The following TBC1D31 variants were observed in gnomAD, a reference collection of about 807,000 sequenced individuals.
TBC1D31 encodes the protein WD repeat domain 67.
In TBC1D31, 99 loss-of-function variants were observed where a neutral mutation model predicts 132.9. The ratio of observed to expected loss-of-function variants is 0.74; its 90% CI spans 0.63 to 0.88. The LOEUF is 0.88. Among genes scored for constraint, TBC1D31 ranks in the 40% least tolerant of loss-of-function variants. TBC1D31 has a pLI of 0.00. For missense variants in TBC1D31, 1,134 were observed against 1,256.6 expected, an observed-to-expected ratio of 0.90 and a Z score of 1.48; for synonymous variants, 385 against 419.4, an observed-to-expected ratio of 0.92 and a Z score of 1.00.
At chr8:123,097,467 G>A (rs1816939302) in intron 6 of TBC1D31, 26 bp downstream of exon 6, 2 of 1,603,786 alleles carry the variant, frequency 1.2e-6, no homozygotes, top group South Asian at 1.1e-5. Context: ...GTAGGGCACT[G>A]TACTTTTTGA....
intron 5 of TBC1D31, among the ~76,000 whole-genome samples, chr8:123,095,879 T>C (rs1563689175): frequency 1.3e-5 from 2 of 152,180 alleles, no homozygotes; most frequent in Admixed American, 1.3e-4. Context: ...TTGTTTCTAG[T>C]CAGGGGAAAG....
At chr8:123,136,928 G>A (rs1821155350) in intron 17 of TBC1D31, among the ~76,000 whole-genome samples, 1 of 152,194 alleles carries the variant, frequency 6.6e-6, no homozygotes, top group Non-Finnish European at 1.5e-5. Context: ...AGGTACGGAT[G>A]TGCTGCCACT....
chr8:123,094,336 A>G (rs1309575184), intron 5 of TBC1D31, among the ~76,000 whole-genome samples: 3 of 152,068 alleles, frequency 2.0e-5, no homozygotes, highest in Non-Finnish European at 2.9e-5. Flanking sequence ...TGCTGGGATT[A>G]CAGGCATGAG....
In TBC1D31 at chr8:123,109,556, G is replaced by A. The variant is rs61729926; in HGVS notation, c.1372G>A (p.Ala458Thr). 278 of 1,613,822 alleles carry A rather than the reference G, an allele frequency of 1.7e-4. No homozygotes were observed. In the African/African-American group the frequency reaches 3.4e-3, roughly 20 times the overall value. ...CCTCATAGATAAGGGGACTCATGTG[G>A]CATTTCTCAACCTTCAGAAGAAATA... is the stretch of plus-strand genomic sequence containing the variant. Reference protein sequence around the residue: ...STLIDKGTHVAFLNLQKKYPI... With the variant: ...STLIDKGTHVTFLNLQKKYPI... The change falls in exon 10 of 22, where the codon GCA becomes ACA. Residue 458 changes from alanine (A) to threonine (T), a missense_variant. Coordinates refer to ENST00000287380, the MANE Select transcript of TBC1D31 (RefSeq NM_145647.4).
chr8:123,072,956 A>C (rs1315501461), intron 1 of TBC1D31, 110 bp downstream of exon 1: 4 of 1,122,914 alleles, frequency 3.6e-6, no homozygotes, highest in Non-Finnish European at 5.1e-6. Context: ...CTTGCCCCGC[A>C]TCCCTGGGTT....
intron 5 of TBC1D31, among the ~76,000 whole-genome samples, chr8:123,094,761 G>A (rs558996593): frequency 1.3e-5 from 2 of 151,644 alleles, no homozygotes; most frequent in African/African-American, 2.4e-5. Flanking sequence ...GGCTGGTCTC[G>A]AACTCCTGAC....
intron 6 of TBC1D31, among the ~76,000 whole-genome samples, chr8:123,099,206 G>T (rs60127324): frequency 0.31 from 47,293 of 151,832 alleles, 7,494 homozygotes; most frequent in African/African-American, 0.36. Context: ...TGCAAGCTCC[G>T]CCTCCCAGGT....
intron 17 of TBC1D31, among the ~76,000 whole-genome samples, chr8:123,135,461 T>A (rs980660948): frequency 2.6e-4 from 39 of 152,094 alleles, no homozygotes; most frequent in Admixed American, 1.2e-3. Context: ...AATAGCCAAA[T>A]GTGGTAGTGC....
intron 5 of TBC1D31, among the ~76,000 whole-genome samples, chr8:123,095,673 T>C (rs1022848165): frequency 2.0e-5 from 3 of 152,220 alleles, no homozygotes; most frequent in Admixed American, 2.0e-4. Flanking sequence ...TGGCATCCTT[T>C]TACTACAACT....
chr8:123,151,963 CGAGA>C lies in TBC1D31; in HGVS notation c.*31_*34del. On this transcript the variant is annotated 3_prime_UTR_variant, in exon 22 of 22. Transcript: ENST00000287380. Reference sequence around the variant, plus strand: ...AGAATGCATGTCACCTTGAGACGGTCGAGAGAGAGACCTATTTTGCAATCAGTGA... The same window carrying C: ...AGAATGCATGTCACCTTGAGACGGTCGAGAGACCTATTTTGCAATCAGTGA... The C allele has an allele frequency of 6.9e-7, 1 of 1,452,526 alleles. No homozygotes were observed. The highest frequency in any genetic ancestry group is 9.1e-7 in the Non-Finnish European group (1 of 1,097,844). The allele number at this position is 1,452,526 out of a possible 1,614,324, so 90.0% of individuals were successfully genotyped here.
At chr8:123,138,146 G>C (rs1821275626) in intron 17 of TBC1D31, among the ~76,000 whole-genome samples, 1 of 151,934 alleles carries the variant, frequency 6.6e-6, no homozygotes, top group African/African-American at 2.4e-5. Flanking sequence ...CTTCTTTATG[G>C]AGTAGCTAAA....
rs1182590054 is a variant in TBC1D31, at chr8:123,109,583, C to G, written c.1399C>G (p.Pro467Ala). ...VAFLNLQKKY[P>A]IKSRKLLRVL... ...ATTTCTCAACCTTCAGAAGAAATACCCCATCAAAAGTAGGAAGCTACTCAG... is the reference window on the plus strand; with the variant it reads ...ATTTCTCAACCTTCAGAAGAAATACGCCATCAAAAGTAGGAAGCTACTCAG... The change falls in exon 10 of 22, where the codon CCC (proline) becomes GCC (alanine). Residue 467 changes from proline to alanine, a missense_variant. Pro to Ala is a conservative substitution (Grantham distance 27). Coordinates refer to ENST00000287380, the MANE Select transcript of TBC1D31 (RefSeq NM_145647.4). 1 of 1,613,554 alleles carries G rather than the reference C, an allele frequency of 6.2e-7. No individual in the cohort carries two copies. Among genetic ancestry groups the G allele is most frequent in the Admixed American group, 1.7e-5 (1 of 59,930 alleles).
chr8:123,119,372 T>C (rs1819254228), intron 10 of TBC1D31, among the ~76,000 whole-genome samples: 1 of 152,174 alleles, frequency 6.6e-6, no homozygotes, highest in African/African-American at 2.4e-5. Context: ...CAGCATTGCT[T>C]ATAAAAGACT....
At chr8:123,157,098 C>G (rs1403230355), downstream of TBC1D31, among the ~76,000 whole-genome samples, 1 of 152,224 alleles carries the variant, frequency 6.6e-6, no homozygotes, top group Non-Finnish European at 1.5e-5. Context: ...GGCGGGGGTA[C>G]TTATCAGGTT....
At chr8:123,077,049 T>C (rs767542175) in intron 1 of TBC1D31, 62 bp from the exon 2 acceptor site, 52 of 1,457,144 alleles carry the variant, frequency 3.6e-5, no homozygotes, top group Non-Finnish European at 4.8e-5. Context: ...ACTTGCCATA[T>C]TTTTCATAAT....
chr8:123,109,289 T>C, intron 8 of TBC1D31, 28 bp from the exon 9 acceptor site: 2 of 1,483,024 alleles, frequency 1.3e-6, no homozygotes, highest in Admixed American at 1.9e-5. Context: ...GATTGTGTCA[T>C]TTATTAATAT....
chr8:123,163,626 A>G, the TBC1D31 span, among the ~76,000 whole-genome samples: 1 of 152,088 alleles, frequency 6.6e-6, no homozygotes, highest in South Asian at 2.1e-4. Flanking sequence ...TCAGCCTCCC[A>G]AAGTGCTGGG....
At chr8:123,149,686 G>A (rs1380760624) in intron 20 of TBC1D31, among the ~76,000 whole-genome samples, 1 of 152,214 alleles carries the variant, frequency 6.6e-6, no homozygotes, top group Non-Finnish European at 1.5e-5. Flanking sequence ...GTTGTGATGA[G>A]GCCCTGCCTA....
At chr8:123,079,843 T>C (rs1378386998) in intron 2 of TBC1D31, among the ~76,000 whole-genome samples, 1 of 108,630 alleles carries the variant, frequency 9.2e-6, no homozygotes, top group Admixed American at 9.2e-5. Context: ...CCCCATTACC[T>C]TATTCATAAA....
Sources: gnomAD v4.1 joint callset for allele counts (sites outside exome capture counted in the v4.1 genomes callset) on GRCh38, gnomAD v4.1.1 for gene constraint, MANE v1.5 for transcripts, NCBI Gene and HGNC (gene_info 2026-07-23, HGNC 2026-07-21) for gene names.